The following CCAR1 variants were observed in gnomAD, a reference collection of about 807,000 sequenced individuals.
The protein encoded by CCAR1 is cell division cycle and apoptosis regulator protein 1.
Under a neutral mutation model 163.8 loss-of-function variants are expected in CCAR1, and 78 were observed. That is an observed-to-expected ratio of 0.48 (90% confidence interval 0.40 to 0.57). The LOEUF is 0.57. Ranked by LOEUF, CCAR1 falls within the 20% of genes least tolerant of loss-of-function variation. The pLI, the probability that CCAR1 is intolerant of heterozygous loss-of-function variation, is 0.00. For missense variants in CCAR1, 1,019 were observed against 1,365.2 expected, an observed-to-expected ratio of 0.75 and a Z score of 4.00; for synonymous variants, 443 against 460.7, an observed-to-expected ratio of 0.96 and a Z score of 0.49.
At chr10:68,730,157 T>C (rs959143562) in intron 2 of CCAR1, among the ~76,000 whole-genome samples, 1 of 151,854 alleles carries the variant, frequency 6.6e-6, no homozygotes, top group Non-Finnish European at 1.5e-5. Flanking sequence ...CCTAACCCCC[T>C]GATCCACCCG....
At position 68,754,838 on chromosome 10, in the gene CCAR1, A is replaced by G. The variant is rs2056379308; in HGVS notation, c.1458+11A>G. On this transcript the variant is annotated intron_variant, in intron 12 of 24. Coordinates refer to ENST00000265872, the MANE Select transcript of CCAR1 (RefSeq NM_018237.4). ...GCTAGACTTGTTAAGGTAAAAGGAC[A>G]CATTTGTTTTAACTTTAGATGTATT... 5 of 1,442,508 alleles carry G rather than the reference A, an allele frequency of 3.5e-6. No homozygotes were observed. Among genetic ancestry groups the G allele is most frequent in the Non-Finnish European group, 4.9e-6 (5 of 1,024,392 alleles). 89.4% of individuals were successfully genotyped at this position (1,442,508 alleles called of 1,614,324 possible).
intron 23 of CCAR1, among the ~76,000 whole-genome samples, 172 bp from the exon 24 acceptor site, chr10:68,789,538 T>C (rs1356547375): frequency 6.6e-6 from 1 of 152,012 alleles, no homozygotes; most frequent in African/African-American, 2.4e-5. Context: ...CAAAAGTAAA[T>C]ACATAAATAA....
chr10:68,781,104 C>T (rs755679982), intron 19 of CCAR1, among the ~76,000 whole-genome samples: 13 of 151,846 alleles, frequency 8.6e-5, no homozygotes, highest in Admixed American at 3.3e-4. Flanking sequence ...TGGTGGTGTA[C>T]GCTTGTAATA....
intron 1 of CCAR1, among the ~76,000 whole-genome samples, 194 bp from the exon 2 acceptor site, chr10:68,722,261 G>A (rs2055870203): frequency 6.6e-6 from 1 of 152,062 alleles, no homozygotes; most frequent in Non-Finnish European, 1.5e-5. Context: ...GGCATTTTTG[G>A]TGATCTACTT....
chr10:68,780,602 C>T (rs1409315094), intron 19 of CCAR1, among the ~76,000 whole-genome samples: 1 of 152,150 alleles, frequency 6.6e-6, no homozygotes, highest in Non-Finnish European at 1.5e-5. Context: ...TTGCACTGCA[C>T]TTTATTGTGC....
intron 17 of CCAR1, among the ~76,000 whole-genome samples, chr10:68,769,056 C>T (rs1355467073): frequency 1.3e-5 from 2 of 152,132 alleles, no homozygotes; most frequent in South Asian, 2.1e-4. Flanking sequence ...CTCACTGCAA[C>T]GTCCACGTCC....
intron 9 of CCAR1, 111 bp from the exon 10 acceptor site, chr10:68,749,413 T>TA: frequency 7.9e-7 from 1 of 1,259,494 alleles, no homozygotes; most frequent in African/African-American, 1.5e-5. Flanking sequence ...TTTAAAAAGT[T>TA]AAACAAATAT....
At chr10:68,750,391 T>G (rs1240328398) in intron 10 of CCAR1, among the ~76,000 whole-genome samples, 1 of 151,962 alleles carries the variant, frequency 6.6e-6, no homozygotes, top group African/African-American at 2.4e-5. Flanking sequence ...CCAGCTAATT[T>G]TTGTATTTTT....
chr10:68,731,432 ATATT>A (rs1378174084), intron 2 of CCAR1, among the ~76,000 whole-genome samples: 1 of 152,206 alleles, frequency 6.6e-6, no homozygotes, highest in Admixed American at 6.6e-5. Flanking sequence ...GAACTGTTAT[ATATT>A]TATAAAAGAT....
intron 8 of CCAR1, among the ~76,000 whole-genome samples, chr10:68,748,503 T>G (rs1286612653): frequency 2.7e-5 from 4 of 150,688 alleles, no homozygotes; most frequent in African/African-American, 9.7e-5. Context: ...TTTTTTTTTT[T>G]TTTGAGGCAG....
intron 16 of CCAR1, among the ~76,000 whole-genome samples, chr10:68,764,052 G>A (rs371749736): frequency 6.6e-6 from 1 of 152,132 alleles, no homozygotes; most frequent in East Asian, 1.9e-4. Context: ...TAGATATATA[G>A]ATAAGTAGAT....
At chr10:68,771,587 T>G in intron 18 of CCAR1, 142 bp downstream of exon 18, 6 of 808,406 alleles carry the variant, frequency 7.4e-6, no homozygotes, top group Non-Finnish European at 1.2e-5. Flanking sequence ...TTTGAGACCA[T>G]CACAGCTAAC....
chr10:68,730,461 CTGAG>C (rs1360051027), intron 2 of CCAR1, among the ~76,000 whole-genome samples: 2 of 151,734 alleles, frequency 1.3e-5, no homozygotes, highest in African/African-American at 4.8e-5. Context: ...CCTCAGCCTG[CTGAG>C]TAGCTGGGAC....
chr10:68,757,635 C>T (rs189314215), intron 15 of CCAR1, among the ~76,000 whole-genome samples: 47 of 151,988 alleles, frequency 3.1e-4, no homozygotes, highest in Non-Finnish European at 4.9e-4. Flanking sequence ...AGTTTGGTCT[C>T]GAACTCCTGA....
Position 68,749,206 on chromosome 10 carries a change from C to G in CCAR1, c.897C>G (p.Ser299=), listed in dbSNP as rs1225575322. 6.2e-7 allele frequency: 1 copy of G among 1,613,276 alleles called. No homozygotes were observed. Among genetic ancestry groups the G allele is most frequent in the South Asian group, 1.1e-5 (1 of 90,812 alleles). Reference sequence around the variant, plus strand: ...CGGCACGACGATTAGATCCCCCATCCCGATTTTCAGGAAGAAATGACAGAG... The same window carrying G: ...CGGCACGACGATTAGATCCCCCATCGCGATTTTCAGGAAGAAATGACAGAG... The part of the protein sequence containing the change: ...PQPARRLDPP[S]RFSGRNDRGD... The change falls in exon 9 of 25, where the codon TCC becomes TCG. Residue 299 remains serine, a synonymous_variant. Coordinates refer to ENST00000265872, the MANE Select transcript of CCAR1 (RefSeq NM_018237.4).
chr10:68,770,814 A>G (rs922906573), intron 17 of CCAR1, among the ~76,000 whole-genome samples: 6 of 152,218 alleles, frequency 3.9e-5, no homozygotes, highest in Non-Finnish European at 5.9e-5. Flanking sequence ...GCGGTGGCTT[A>G]CGCCTGTAAT....
chr10:68,779,278 G>C (rs145332818), intron 19 of CCAR1, among the ~76,000 whole-genome samples: 30 of 147,884 alleles, frequency 2.0e-4, no homozygotes, highest in African/African-American at 7.5e-4. Context: ...TTTTTTTTGA[G>C]ACAGAGTTTT....
Position 68,770,426 on chromosome 10 carries a change from T to G in CCAR1, c.2299-780T>G, listed in dbSNP as rs117000307. ...ACTTAAAACTTATTGAGTAAATGAA[T>G]AAGGTACACTTATCATGAAGATTAA... On this transcript the variant is annotated intron_variant, in intron 17 of 24. Transcript: ENST00000265872. Among the ~76,000 whole-genome samples the G allele has an allele frequency of 4.7e-3, 717 of 152,304 alleles. 8 individuals carry two copies. The highest frequency in any genetic ancestry group is 8.1e-3 in the Non-Finnish European group (549 of 68,024).
At chr10:68,740,590 T>A (rs2056169658) in intron 4 of CCAR1, 39 bp from the exon 5 acceptor site, 1 of 1,571,972 alleles carries the variant, frequency 6.4e-7, no homozygotes, top group South Asian at 1.1e-5. Context: ...ACAATTCTGA[T>A]TGACCCTTTT....
Sources: allele counts gnomAD v4.1 joint callset (sites outside exome capture counted in the v4.1 genomes callset), GRCh38; gene constraint gnomAD v4.1.1; transcripts MANE v1.5; gene names NCBI Gene and HGNC (gene_info 2026-07-23, HGNC 2026-07-21).